SLC35F1: variants seen among roughly 807,000 people sequenced by gnomAD.
SLC35F1 encodes the protein solute carrier family 35 member F1, also known as chromosome 6 open reading frame 169.
In SLC35F1, 14 loss-of-function variants were observed where a neutral mutation model predicts 48.7. The ratio of observed to expected loss-of-function variants is 0.29; its 90% CI spans 0.19 to 0.45. The LOEUF is 0.45. SLC35F1 is among the 20% of genes least tolerant of loss of function. SLC35F1 has a pLI of 1.00. For missense variants in SLC35F1, 404 were observed against 500.0 expected (o/e 0.81, Z 1.83); for synonymous variants, 190 against 202.2 (o/e 0.94, Z 0.51).
chr6:117,946,310 T>A (rs1387984045), intron 1 of SLC35F1, among the ~76,000 whole-genome samples: 1 of 152,192 alleles, frequency 6.6e-6, no homozygotes, highest in Non-Finnish European at 1.5e-5. Flanking sequence ...AAACTGATTA[T>A]GAAAGCAATC....
chr6:118,010,840 G>C (rs1344433308), intron 1 of SLC35F1, among the ~76,000 whole-genome samples: 2 of 152,160 alleles, frequency 1.3e-5, no homozygotes, highest in Non-Finnish European at 2.9e-5. Context: ...GAATGACACA[G>C]GCTAAACCCA....
At chr6:118,066,759 T>C (rs1772620482) in intron 1 of SLC35F1, among the ~76,000 whole-genome samples, 1 of 151,090 alleles carries the variant, frequency 6.6e-6, no homozygotes, top group Non-Finnish European at 1.5e-5. Context: ...TTTTTTTTTT[T>C]TCTTGAGACA....
At chr6:117,927,032 C>A (rs908425745) in intron 1 of SLC35F1, among the ~76,000 whole-genome samples, 38 of 152,048 alleles carry the variant, frequency 2.5e-4, no homozygotes, top group African/African-American at 8.7e-4. Flanking sequence ...TTTGGTGTAC[C>A]AACCTCGTGA....
intron 3 of SLC35F1, among the ~76,000 whole-genome samples, chr6:118,241,164 A>AT (rs557150376): frequency 6.6e-6 from 1 of 152,144 alleles, no homozygotes; most frequent in Non-Finnish European, 1.5e-5. Context: ...GAAAACCTGA[A>AT]TTTTTCTTAG....
At chr6:117,968,854 G>T (rs1776604056) in intron 1 of SLC35F1, among the ~76,000 whole-genome samples, 2 of 152,094 alleles carry the variant, frequency 1.3e-5, no homozygotes, top group African/African-American at 4.8e-5. Flanking sequence ...CTATTGTTTT[G>T]GGAAAATAAC....
intron 1 of SLC35F1, among the ~76,000 whole-genome samples, chr6:118,124,709 A>C (rs529176349): frequency 6.6e-6 from 1 of 152,172 alleles, no homozygotes; most frequent in Non-Finnish European, 1.5e-5. Context: ...CTGATTTACA[A>C]ACATTTTTTT....
intron 5 of SLC35F1, 127 bp from the exon 6 acceptor site, chr6:118,277,367 C>A: frequency 1.2e-6 from 1 of 857,658 alleles, no homozygotes; most frequent in East Asian, 2.5e-5. Context: ...ACCCAAAATT[C>A]TTTCTGAAAT....
chr6:118,296,757 G>A (rs1776191623), intron 7 of SLC35F1, among the ~76,000 whole-genome samples: 1 of 152,100 alleles, frequency 6.6e-6, no homozygotes, highest in Admixed American at 6.6e-5. Context: ...ATTGGATTGG[G>A]GCATAACCAA....
At chr6:118,236,504 A>G (rs574232406) in intron 3 of SLC35F1, among the ~76,000 whole-genome samples, 1 of 152,344 alleles carries the variant, frequency 6.6e-6, no homozygotes, top group South Asian at 2.1e-4. Context: ...AACAATAATG[A>G]CAAAAATGGA....
At chr6:118,079,411 G>A (rs955295199) in intron 1 of SLC35F1, among the ~76,000 whole-genome samples, 1 of 152,094 alleles carries the variant, frequency 6.6e-6, no homozygotes. Flanking sequence ...ATCTGCCAGT[G>A]GAGCCAGGTT....
intron 1 of SLC35F1, among the ~76,000 whole-genome samples, chr6:118,069,008 G>C (rs1772660122): frequency 6.6e-6 from 1 of 152,180 alleles, no homozygotes; most frequent in Non-Finnish European, 1.5e-5. Flanking sequence ...GTACTGGAAT[G>C]ACTGAAGTTT....
intron 1 of SLC35F1, among the ~76,000 whole-genome samples, chr6:117,943,895 A>C (rs1391750265): frequency 6.6e-6 from 1 of 152,174 alleles, no homozygotes; most frequent in Non-Finnish European, 1.5e-5. Flanking sequence ...ACATATATGA[A>C]TTAAAGAGTG....
chr6:118,258,214 A>C (rs931847239), intron 3 of SLC35F1, among the ~76,000 whole-genome samples: 4 of 152,100 alleles, frequency 2.6e-5, no homozygotes, highest in Non-Finnish European at 4.4e-5. Flanking sequence ...TGCATAATCA[A>C]CTCAGAAAAG....
rs1562238884 is a variant in SLC35F1, at chr6:117,923,712, T to TGTAC, written c.173+15813_173+15814insGTAC. 5.5e-4 allele frequency among the ~76,000 whole-genome samples: 11 copies of TGTAC among 20,162 alleles called. 3 individuals are homozygous for TGTAC. Among genetic ancestry groups the TGTAC allele is most frequent in the Admixed American group, 2.4e-3 (3 of 1,244 alleles). The allele number at this position is 20,162 out of a possible 152,430, so 13.2% of individuals were successfully genotyped here. ...ATATGTACATATACATATATGTACA[T>TGTAC]ATATACATATATACATATGTATATA... On this transcript the variant is annotated intron_variant, in intron 1 of 7. Coordinates refer to ENST00000360388, the MANE Select transcript of SLC35F1 (RefSeq NM_001029858.4).
intron 3 of SLC35F1, among the ~76,000 whole-genome samples, chr6:118,243,253 CAT>C (rs1447626579): frequency 1.3e-5 from 2 of 152,150 alleles, no homozygotes; most frequent in Non-Finnish European, 2.9e-5. Context: ...TATACTTTTT[CAT>C]ATGTCTAGAG....
At chr6:118,222,052 G>A (rs2050313) in intron 2 of SLC35F1, among the ~76,000 whole-genome samples, 142,162 of 152,148 alleles carry the variant, frequency 0.93, 66,474 homozygotes, top group East Asian at 0.98. Context: ...TTTAACCTAT[G>A]CATTTCTCTT....
chr6:118,060,019 T>C (rs1400137521), intron 1 of SLC35F1, among the ~76,000 whole-genome samples: 2 of 152,220 alleles, frequency 1.3e-5, no homozygotes, highest in African/African-American at 4.8e-5. Context: ...TGTATGAAGC[T>C]GGATAATGGT....
At chr6:118,007,294 T>G (rs1473979812) in intron 1 of SLC35F1, among the ~76,000 whole-genome samples, 2 of 152,132 alleles carry the variant, frequency 1.3e-5, no homozygotes, top group African/African-American at 2.4e-5. Context: ...CATGACCCAG[T>G]CACCTCTTAA....
chr6:118,283,377 T>C (rs1488704533), intron 6 of SLC35F1, among the ~76,000 whole-genome samples: 2 of 152,322 alleles, frequency 1.3e-5, no homozygotes, highest in African/African-American at 4.8e-5. Context: ...AACTCTAAGC[T>C]TCTTGTCTAT....
Sources: gnomAD v4.1 joint callset for allele counts (sites outside exome capture counted in the v4.1 genomes callset) on GRCh38, gnomAD v4.1.1 for gene constraint, MANE v1.5 for transcripts, NCBI Gene and HGNC (gene_info 2026-07-23, HGNC 2026-07-21) for gene names.